Variants in SRPK1 observed in about 807,000 individuals in gnomAD.
SRPK1 encodes SFRS protein kinase 1.
SRPK1 carries 52 observed loss-of-function variants against 89.5 expected under a neutral mutation model. That is an observed-to-expected ratio of 0.58 (90% CI 0.46 to 0.73). The LOEUF is 0.73. Among genes scored for constraint, SRPK1 ranks in the 30% least tolerant of loss-of-function variants. SRPK1 has a pLI of 0.00. For synonymous variants in SRPK1, 255 were observed against 270.2 expected, an observed-to-expected ratio of 0.94 and a Z score of 0.55; for missense variants, 603 against 780.6, an observed-to-expected ratio of 0.77 and a Z score of 2.71.
chr6:35,909,449 T>C (rs1170941173), intron 2 of SRPK1, among the ~76,000 whole-genome samples: 3 of 152,220 alleles, frequency 2.0e-5, no homozygotes, highest in Admixed American at 1.3e-4. Flanking sequence ...TATAGGCTTA[T>C]AGGTGGAAGA....
At chr6:35,902,736 C>T (rs1770770330) in intron 2 of SRPK1, among the ~76,000 whole-genome samples, 1 of 152,164 alleles carries the variant, frequency 6.6e-6, no homozygotes, top group African/African-American at 2.4e-5. Flanking sequence ...TGAGCATGTA[C>T]TGTATTATCC....
intron 14 of SRPK1, 44 bp from the exon 15 acceptor site, chr6:35,838,473 G>C (rs367993639): frequency 1.4e-6 from 2 of 1,473,822 alleles, no homozygotes; most frequent in Non-Finnish European, 1.8e-6. Flanking sequence ...AAAAAGATCC[G>C]TAACAAGAGT....
intron 2 of SRPK1, among the ~76,000 whole-genome samples, chr6:35,919,378 C>A (rs892951735): frequency 6.6e-6 from 1 of 152,170 alleles, no homozygotes; most frequent in African/African-American, 2.4e-5. Flanking sequence ...CCCTACACCC[C>A]CCTAATCTGG....
At chr6:35,900,233 C>T (rs1770712531) in intron 2 of SRPK1, among the ~76,000 whole-genome samples, 2 of 152,026 alleles carry the variant, frequency 1.3e-5, no homozygotes, top group Non-Finnish European at 2.9e-5. Context: ...CTGCGCCTCT[C>T]GCCTTATGTG....
intron 6 of SRPK1, among the ~76,000 whole-genome samples, chr6:35,874,934 T>C: frequency 6.6e-6 from 1 of 152,222 alleles, no homozygotes; most frequent in Non-Finnish European, 1.5e-5. Flanking sequence ...AACAACCTGA[T>C]GACACCACAC....
At chr6:35,883,341 A>C (rs1342833649) in intron 6 of SRPK1, among the ~76,000 whole-genome samples, 1 of 152,132 alleles carries the variant, frequency 6.6e-6, no homozygotes, top group Non-Finnish European at 1.5e-5. Context: ...GTGAGCCGAG[A>C]TTGCGCCATT....
At chr6:35,864,081 G>C (rs1250576816) in intron 12 of SRPK1, among the ~76,000 whole-genome samples, 1 of 152,062 alleles carries the variant, frequency 6.6e-6, no homozygotes, top group Admixed American at 6.6e-5. Context: ...CTCAAACTTT[G>C]AAACTACTAC....
At chr6:35,891,043 A>G (rs2127258317) in intron 2 of SRPK1, 30 bp from the exon 3 acceptor site, 2 of 1,536,784 alleles carry the variant, frequency 1.3e-6, no homozygotes, top group East Asian at 4.9e-5. Flanking sequence ...TGCCCATTCC[A>G]TTTGGACAGA....
intron 14 of SRPK1, among the ~76,000 whole-genome samples, chr6:35,841,825 C>T (rs113472031): frequency 0.072 from 9,226 of 128,266 alleles, 919 homozygotes; most frequent in African/African-American, 0.25. Context: ...AGTGAGACTC[C>T]GTCTCAAAAA....
At chr6:35,848,023 C>CA (rs1769461867) in intron 13 of SRPK1, among the ~76,000 whole-genome samples, 1 of 151,952 alleles carries the variant, frequency 6.6e-6, no homozygotes, top group African/African-American at 2.4e-5. Context: ...CCATGTTGCC[C>CA]AGGCTGGTCT....
intron 2 of SRPK1, among the ~76,000 whole-genome samples, chr6:35,897,707 TC>T: frequency 6.6e-6 from 1 of 152,274 alleles, no homozygotes. Context: ...AGATGTGATC[TC>T]ACTATGTTAC....
intron 14 of SRPK1, among the ~76,000 whole-genome samples, chr6:35,841,456 A>T (rs1769304682): frequency 6.6e-6 from 1 of 152,220 alleles, no homozygotes; most frequent in Non-Finnish European, 1.5e-5. Flanking sequence ...CATGCTCTAC[A>T]TTGGGAGGGT....
At chr6:35,910,821 G>C (rs1248506186) in intron 2 of SRPK1, among the ~76,000 whole-genome samples, 2 of 152,178 alleles carry the variant, frequency 1.3e-5, no homozygotes, top group Admixed American at 6.5e-5. Context: ...TCTATAAATG[G>C]AACAACAAAG....
At chr6:35,905,135 C>T (rs1770825061) in intron 2 of SRPK1, among the ~76,000 whole-genome samples, 1 of 152,072 alleles carries the variant, frequency 6.6e-6, no homozygotes, top group Non-Finnish European at 1.5e-5. Context: ...TGACTGAGAC[C>T]TTATCTCAAA....
At chr6:35,850,782 G>A (rs1205390219) in intron 13 of SRPK1, among the ~76,000 whole-genome samples, 2 of 152,270 alleles carry the variant, frequency 1.3e-5, no homozygotes, top group East Asian at 1.9e-4. Context: ...GGAGTGACAA[G>A]TTCTATGTGA....
chr6:35,921,014 C>T (rs776777886), intron 1 of SRPK1, 30 bp downstream of exon 1: 12 of 1,540,138 alleles, frequency 7.8e-6, no homozygotes, highest in Middle Eastern at 1.7e-4. Flanking sequence ...GACCATTGCC[C>T]CTCGTGGCGG....
At chr6:35,851,351 T>A (rs1355688172) in intron 13 of SRPK1, among the ~76,000 whole-genome samples, 1 of 151,894 alleles carries the variant, frequency 6.6e-6, no homozygotes, top group Non-Finnish European at 1.5e-5. Context: ...CTTTTGTATT[T>A]TTGGTAGAGA....
chr6:35,920,308 T>G, intron 2 of SRPK1, 160 bp downstream of exon 2: 1 of 762,626 alleles, frequency 1.3e-6, no homozygotes, highest in Non-Finnish European at 2.3e-6. Flanking sequence ...GCAGCTCTCT[T>G]CCACATGGTT....
At chr6:35,886,376 G>A (rs1043749052) in intron 6 of SRPK1, among the ~76,000 whole-genome samples, 6 of 151,998 alleles carry the variant, frequency 3.9e-5, no homozygotes, top group African/African-American at 1.2e-4. Flanking sequence ...CACCGTGCCC[G>A]GCCTACTCAG....
Sources: allele counts gnomAD v4.1 joint callset (sites outside exome capture counted in the v4.1 genomes callset), GRCh38; gene constraint gnomAD v4.1.1; transcripts MANE v1.5; gene names NCBI Gene and HGNC (gene_info 2026-07-23, HGNC 2026-07-21).